Variants in APBA2 observed in about 807,000 individuals in gnomAD.
The protein encoded by APBA2 is amyloid beta precursor protein binding family A member 2.
Under a neutral mutation model 75.0 loss-of-function variants are expected in APBA2, and 30 were observed. The observed-to-expected ratio is 0.40, with a 90% confidence interval of 0.30 to 0.54. The LOEUF is 0.54. Among genes scored for constraint, APBA2 ranks in the 20% least tolerant of loss-of-function variants. The pLI is 0.49. For missense variants in APBA2, 801 were observed against 1,016.1 expected (o/e 0.79, Z 2.88); for synonymous variants, 444 against 409.6 (o/e 1.08, Z -1.01).
At chr15:28,941,816 G>A (rs2035246015) in intron 2 of APBA2, among the ~76,000 whole-genome samples, 1 of 152,256 alleles carries the variant, frequency 6.6e-6, no homozygotes, top group South Asian at 2.1e-4. Flanking sequence ...GAGCGCAGTG[G>A]CGCGATCTCA....
intron 2 of APBA2, among the ~76,000 whole-genome samples, chr15:28,942,065 C>G (rs1021021801): frequency 6.6e-6 from 1 of 152,124 alleles, no homozygotes; most frequent in African/African-American, 2.4e-5. Flanking sequence ...GGCCTCATAG[C>G]CATTTATTAA....
intron 1 of APBA2, among the ~76,000 whole-genome samples, chr15:28,904,238 G>A (rs2033024952): frequency 6.6e-6 from 1 of 152,102 alleles, no homozygotes. Flanking sequence ...ATTCCTCCCT[G>A]TTCCTGGGCA....
chr15:29,037,554 G>A (rs932475320), intron 3 of APBA2, among the ~76,000 whole-genome samples: 9 of 152,034 alleles, frequency 5.9e-5, no homozygotes, highest in Non-Finnish European at 1.0e-4. Context: ...TGTGGGTGAG[G>A]ACCTGAGGCA....
intron 1 of APBA2, among the ~76,000 whole-genome samples, chr15:28,899,179 G>T (rs894932153): frequency 3.9e-5 from 6 of 152,368 alleles, no homozygotes; most frequent in South Asian, 2.1e-4. Context: ...CTGGGTGGAG[G>T]TTCTATGGCA....
intron 1 of APBA2, among the ~76,000 whole-genome samples, chr15:28,920,718 G>A (rs1315954742): frequency 6.6e-6 from 1 of 152,206 alleles, no homozygotes. Context: ...ACCTCTTAAG[G>A]AATGGCTGTC....
chr15:28,918,736 A>G lies in APBA2; in HGVS notation c.-204-2904A>G, dbSNP rs1045413647. Among the ~76,000 whole-genome samples the G allele has an allele frequency of 1.8e-4, 28 of 151,952 alleles. 1 individual carries two copies. The highest frequency in any genetic ancestry group is 1.4e-3 in the Admixed American group (21 of 15,280). On this transcript the variant is annotated intron_variant, in intron 1 of 14. Transcript: ENST00000683413. The surrounding 1 kb of genome is among the most constrained non-coding windows in gnomAD (Gnocchi z 4.2). ...CCTGGTGTCGCCATGGCAGCTGGAG[A>G]GCGGGCGACCGGTCGCTTGGCGTCC...
chr15:28,951,940 AGT>A (rs1397091740), intron 2 of APBA2, among the ~76,000 whole-genome samples: 1 of 126,788 alleles, frequency 7.9e-6, no homozygotes, highest in Non-Finnish European at 1.6e-5. Flanking sequence ...CTCAAGCTGG[AGT>A]GAATGGCACA....
At position 28,991,716 on chromosome 15, in the gene APBA2, C is replaced by T. The variant is rs376378750; in HGVS notation, c.-94-4037C>T. Among the ~76,000 whole-genome samples, 355 of 152,330 alleles carry T rather than the reference C, an allele frequency of 2.3e-3. 1 individual carries two copies. The highest frequency in any genetic ancestry group is 8.2e-3 in the African/African-American group (343 of 41,576). On this transcript the variant is annotated intron_variant, in intron 2 of 14. Coordinates refer to ENST00000683413, the MANE Select transcript of APBA2 (RefSeq NM_001353788.2). The surrounding 1 kb of genome is among the most constrained non-coding windows in gnomAD (Gnocchi z 4.7). ...TCTTTGATGCACCCTGATGCCTCCC[C>T]CATCCTGCTGACCATGGTGCTCAGC...
intron 4 of APBA2, among the ~76,000 whole-genome samples, chr15:29,061,651 C>T (rs750655521): frequency 2.0e-5 from 3 of 152,190 alleles, no homozygotes; most frequent in Non-Finnish European, 2.9e-5. Context: ...ATGCTTTGGC[C>T]GTGACTTGGC....
At chr15:29,061,510 C>G (rs1374521823) in intron 4 of APBA2, among the ~76,000 whole-genome samples, 4 of 152,174 alleles carry the variant, frequency 2.6e-5, no homozygotes, top group Admixed American at 2.6e-4. Flanking sequence ...CTAGAAAGAG[C>G]CTTCTGCCAA....
rs11855451 is a variant in APBA2 at position 29,114,137 on chromosome 15, C to T, written c.2178+121C>T. 1.9e-3 allele frequency: 2,733 copies of T among 1,416,152 alleles called. 33 individuals carry two copies. The African/African-American group carries it at 0.034, about 18-fold the overall frequency. The allele number at this position is 1,416,152 out of a possible 1,614,324, so 87.7% of individuals were successfully genotyped here. On this transcript the variant is annotated intron_variant, in intron 14 of 14. Transcript: ENST00000683413. The stretch of plus-strand genomic sequence containing the variant: ...TCTGAAGGTCAGCCAGGCTGTGTCT[C>T]CCATCGGGGCTGCTGTGACAAGGGT...
rs140971556 is a variant in APBA2 at position 29,078,589 on chromosome 15, C to T, written c.1069+2498C>T. 8.7e-3 allele frequency among the ~76,000 whole-genome samples: 1,275 copies of T among 145,822 alleles called. 24 individuals carry two copies. Among genetic ancestry groups the T allele is most frequent in the African/African-American group, 0.031 (1,216 of 39,482 alleles). The stretch of plus-strand genomic sequence containing the variant: ...TCATGCCACTGTACTCCAGCCTGGG[C>T]GGCAGAGCAAGACTCCATCTCAAAA... On this transcript the variant is annotated intron_variant, in intron 6 of 14. Transcript: ENST00000683413.
At chr15:29,056,996 C>A (rs2041929196) in intron 4 of APBA2, among the ~76,000 whole-genome samples, 1 of 152,096 alleles carries the variant, frequency 6.6e-6, no homozygotes, top group African/African-American at 2.4e-5. Context: ...CCCCTTCCTC[C>A]CCTGGGGGAC....
chr15:28,896,106 G>A (rs1156242868), intron 1 of APBA2, among the ~76,000 whole-genome samples: 1 of 152,050 alleles, frequency 6.6e-6, no homozygotes, highest in African/African-American at 2.4e-5. Flanking sequence ...GTGAGAACCT[G>A]TCTCAAAAAA....
intron 1 of APBA2, among the ~76,000 whole-genome samples, chr15:28,898,344 G>T (rs1460002781): frequency 1.3e-5 from 2 of 152,232 alleles, no homozygotes; most frequent in Admixed American, 1.3e-4. Flanking sequence ...ATGGCCATCA[G>T]CAGCAGAATA....
At chr15:29,015,673 T>C (rs902918683) in intron 3 of APBA2, among the ~76,000 whole-genome samples, 4 of 152,356 alleles carry the variant, frequency 2.6e-5, no homozygotes, top group Middle Eastern at 3.4e-3. Flanking sequence ...TTCTTGCTCA[T>C]ATGCTAATAG....
chr15:29,116,520 G>A (rs902852903), intron 14 of APBA2, among the ~76,000 whole-genome samples: 4 of 151,766 alleles, frequency 2.6e-5, no homozygotes, highest in African/African-American at 7.3e-5. Context: ...CCCAGCTACT[G>A]AGGAGGCTGA....
At chr15:29,106,845 AG>A (rs2044437539) in intron 12 of APBA2, 26 bp downstream of exon 12, 1 of 1,604,454 alleles carries the variant, frequency 6.2e-7, no homozygotes, top group African/African-American at 1.3e-5. Context: ...TCCTCCGCCC[AG>A]GGGTCACCTC....
intron 14 of APBA2, 130 bp from the exon 15 acceptor site, chr15:29,116,932 T>G: frequency 9.8e-7 from 1 of 1,021,998 alleles, no homozygotes; most frequent in Non-Finnish European, 1.6e-6. Flanking sequence ...AGGCTGGCCT[T>G]CCTCCTTCAC....
Sources: allele counts gnomAD v4.1 joint callset (sites outside exome capture counted in the v4.1 genomes callset), GRCh38; gene constraint gnomAD v4.1.1; non-coding constraint Gnocchi (gnomAD v3.1); transcripts MANE v1.5; gene names NCBI Gene and HGNC (gene_info 2026-07-23, HGNC 2026-07-21).